The following RAPH1 variants were observed in gnomAD, a reference collection of about 807,000 sequenced individuals.
RAPH1 encodes Ras association (RalGDS/AF-6) and pleckstrin homology domains 1, also known as ras-associated and pleckstrin homology domains-containing protein 1.
RAPH1 carries 18 observed loss-of-function variants against 88.1 expected under a neutral mutation model. The ratio of observed to expected loss-of-function variants is 0.20; its 90% CI spans 0.14 to 0.30. The LOEUF is 0.30. RAPH1 is among the 10% of genes least tolerant of loss of function. The pLI is 1.00. For synonymous variants in RAPH1, 587 were observed against 559.0 expected, an observed-to-expected ratio of 1.05 and a Z score of -0.71; for missense variants, 1,448 against 1,543.2, an observed-to-expected ratio of 0.94 and a Z score of 1.03.
At chr2:203,464,164 G>C (rs1294059072) in intron 4 of RAPH1, among the ~76,000 whole-genome samples, 2 of 152,114 alleles carry the variant, frequency 1.3e-5, no homozygotes, top group African/African-American at 4.8e-5. Flanking sequence ...AGTTTACCAA[G>C]GTATATTTGC....
At chr2:203,501,954 T>C (rs931218529) in intron 1 of RAPH1, among the ~76,000 whole-genome samples, 5 of 152,174 alleles carry the variant, frequency 3.3e-5, no homozygotes, top group Admixed American at 6.5e-5. Context: ...TCAGCCTCCC[T>C]GAGTAGCTGG....
intron 1 of RAPH1, among the ~76,000 whole-genome samples, chr2:203,526,090 G>A (rs1291809807): frequency 1.3e-5 from 2 of 151,798 alleles, no homozygotes; most frequent in Non-Finnish European, 2.9e-5. Context: ...TTTAATTAAG[G>A]GTACTTTTAA....
chr2:203,498,254 T>TTA (rs1688599694), intron 1 of RAPH1, among the ~76,000 whole-genome samples: 1 of 152,222 alleles, frequency 6.6e-6, no homozygotes, highest in South Asian at 2.1e-4. Context: ...GTAACTTTAA[T>TTA]GAGTATTTTA....
Position 203,438,075 on chromosome 2 carries a change from T to C in RAPH1, c.*1362A>G. 4.0e-6 allele frequency: 2 copies of C among 505,846 alleles called. No homozygotes were observed. Among genetic ancestry groups the C allele is most frequent in the Non-Finnish European group, 7.9e-6 (2 of 253,598 alleles). The allele number at this position is 505,846 out of a possible 1,614,324, so 31.3% of individuals were successfully genotyped here. ...GCACTGACTCCACGTTATACCAAAC[T>C]GCACACGCATAAAACGTAATGTCAG... On this transcript the variant is annotated 3_prime_UTR_variant, in exon 14 of 14. Coordinates refer to ENST00000319170, the MANE Select transcript of RAPH1 (RefSeq NM_213589.3).
At chr2:203,525,822 A>G (rs1358150434) in intron 1 of RAPH1, among the ~76,000 whole-genome samples, 2 of 152,180 alleles carry the variant, frequency 1.3e-5, no homozygotes, top group Non-Finnish European at 2.9e-5. Context: ...AAGAAGCTGG[A>G]GACAAAAGCA....
chr2:203,504,820 A>G (rs1688906667), intron 1 of RAPH1, among the ~76,000 whole-genome samples: 1 of 152,196 alleles, frequency 6.6e-6, no homozygotes, highest in Admixed American at 6.5e-5. Context: ...TTCTTCCATC[A>G]GATACCCTAA....
chr2:203,497,718 A>T (rs1364158251), intron 1 of RAPH1, among the ~76,000 whole-genome samples: 1 of 152,142 alleles, frequency 6.6e-6, no homozygotes, highest in Non-Finnish European at 1.5e-5. Context: ...AGGTCATTCT[A>T]CCCTGGCAAG....
At position 203,448,692 on chromosome 2, in the gene RAPH1, C is replaced by T. The variant is rs757912190; in HGVS notation, c.1512+46G>A. On this transcript the variant is annotated intron_variant, in intron 11 of 13. Transcript: ENST00000319170. This position sits in a 1 kb window ranked among gnomAD's most constrained non-coding sequence, Gnocchi z 4.1. Reference sequence around the variant, plus strand: ...GTCATGAAAACGAAAACTATATCATCGACAAACACCTCATTATTCCATCAT... The same window carrying T: ...GTCATGAAAACGAAAACTATATCATTGACAAACACCTCATTATTCCATCAT... 38 of 1,322,190 alleles carry T rather than the reference C, an allele frequency of 2.9e-5. No individual in the cohort carries two copies. The highest frequency in any genetic ancestry group is 3.4e-5 in the Non-Finnish European group (32 of 944,642). 81.9% of individuals were successfully genotyped at this position (1,322,190 alleles called of 1,614,324 possible).
At chr2:203,512,867 G>A (rs1190524086) in intron 1 of RAPH1, among the ~76,000 whole-genome samples, 4 of 151,898 alleles carry the variant, frequency 2.6e-5, no homozygotes, top group Admixed American at 6.6e-5. Context: ...CTGGTGATCC[G>A]CCCACCTTGG....
rs915466561 is a variant in RAPH1, at chr2:203,435,464, A to G, written c.*3973T>C. On this transcript the variant is annotated 3_prime_UTR_variant, in exon 14 of 14. Transcript: ENST00000319170. ...AAATCTCAACTTTGTGAGAGGTCAT[A>G]CATTTCTACAGGGTTAGGAGTACCC... 1 of 152,062 alleles carries G rather than the reference A, an allele frequency of 6.6e-6. No individual in the cohort carries two copies. Among genetic ancestry groups the G allele is most frequent in the African/African-American group, 2.4e-5 (1 of 41,382 alleles). The allele number at this position is 152,062 out of a possible 1,614,324, so 9.4% of individuals were successfully genotyped here. A position where few individuals can be genotyped will look rare whatever the true frequency, so the allele number is the denominator to read the frequency against.
chr2:203,528,711 A>G (rs901068542), intron 1 of RAPH1, among the ~76,000 whole-genome samples: 1 of 152,044 alleles, frequency 6.6e-6, no homozygotes, highest in Non-Finnish European at 1.5e-5. Flanking sequence ...TAAACTGTAT[A>G]TGTTTATTCT....
At chr2:203,478,719 C>T (rs1038186522) in intron 4 of RAPH1, among the ~76,000 whole-genome samples, 4 of 152,216 alleles carry the variant, frequency 2.6e-5, no homozygotes, top group Middle Eastern at 3.4e-3. Flanking sequence ...GAACTCCTGA[C>T]CTCAAGTGAT....
At chr2:203,467,680 T>A (rs1302302662) in intron 4 of RAPH1, among the ~76,000 whole-genome samples, 1 of 152,142 alleles carries the variant, frequency 6.6e-6, no homozygotes, top group Non-Finnish European at 1.5e-5. Flanking sequence ...ACTTCAGGAC[T>A]TGTGTACGTG....
At chr2:203,454,017 A>G (rs983616897) in intron 10 of RAPH1, among the ~76,000 whole-genome samples, 1 of 152,290 alleles carries the variant, frequency 6.6e-6, no homozygotes, top group African/African-American at 2.4e-5. Flanking sequence ...TCTGGACCAG[A>G]TAACAGCCAG....
At chr2:203,480,040 T>C (rs1373311608) in intron 4 of RAPH1, among the ~76,000 whole-genome samples, 2 of 152,242 alleles carry the variant, frequency 1.3e-5, no homozygotes, top group East Asian at 1.9e-4. Context: ...TGCTGTACAT[T>C]TTCTCAGTTT....
In RAPH1 at chr2:203,438,452, TAACACCTACCTAA is replaced by T. The variant is rs931470797; in HGVS notation, c.*972_*984del. On this transcript the variant is annotated 3_prime_UTR_variant, in exon 14 of 14. Transcript: ENST00000319170. ...ATACCAATTGTCTACAGATATGTAA[TAACACCTACCTAA>T]AGCACATATTTTAAGAAGGTAACTG... The T allele has an allele frequency of 6.8e-6, 2 of 295,084 alleles. No individual in the cohort carries two copies. Among genetic ancestry groups the T allele is most frequent in the African/African-American group, 4.5e-5 (2 of 44,880 alleles). 18.3% of individuals were successfully genotyped at this position (295,084 alleles called of 1,614,324 possible). A position where few individuals can be genotyped will look rare whatever the true frequency, so the allele number is the denominator to read the frequency against.
chr2:203,455,878 G>C (rs924710978), intron 8 of RAPH1, among the ~76,000 whole-genome samples: 1 of 150,946 alleles, frequency 6.6e-6, no homozygotes, highest in Non-Finnish European at 1.5e-5. Flanking sequence ...GCATGGTGGC[G>C]CGAGCCTGTA....
At chr2:203,450,039 C>G (rs554841356) in intron 10 of RAPH1, among the ~76,000 whole-genome samples, 115 of 144,302 alleles carry the variant, frequency 8.0e-4, no homozygotes, top group African/African-American at 2.6e-3. Flanking sequence ...AAAAAAAAAA[C>G]AAAGAAAGAA....
intron 8 of RAPH1, among the ~76,000 whole-genome samples, chr2:203,456,760 CTAAGT>C (rs1248557349): frequency 6.6e-6 from 1 of 152,040 alleles, no homozygotes; most frequent in East Asian, 1.9e-4. Flanking sequence ...TTCAAGTATA[CTAAGT>C]TATTTGATTT....
Sources: allele counts gnomAD v4.1 joint callset (sites outside exome capture counted in the v4.1 genomes callset), GRCh38; gene constraint gnomAD v4.1.1; non-coding constraint Gnocchi (gnomAD v3.1); transcripts MANE v1.5; gene names NCBI Gene and HGNC (gene_info 2026-07-23, HGNC 2026-07-21).